Variants in SMYD5 observed in about 807,000 individuals in gnomAD.
SMYD5 encodes the protein SMYD family member 5.
SMYD5 carries 35 observed loss-of-function variants against 57.4 expected under a neutral mutation model. That is an observed-to-expected ratio of 0.61 (90% CI 0.47 to 0.81). SMYD5 has a LOEUF of 0.81. Among genes scored for constraint, SMYD5 ranks in the 30% least tolerant of loss-of-function variants. The pLI, the probability that SMYD5 is intolerant of heterozygous loss-of-function variation, is 0.00. For missense variants in SMYD5, 471 were observed against 527.9 expected, an observed-to-expected ratio of 0.89 and a Z score of 1.06; for synonymous variants, 198 against 189.7, an observed-to-expected ratio of 1.04 and a Z score of -0.36.
At chr2:73,214,755 G>C (rs1031678090) in intron 1 of SMYD5, 3 of 1,321,092 alleles carry the variant, frequency 2.3e-6, no homozygotes, top group Non-Finnish European at 3.0e-6. Flanking sequence ...TTTGGGTGAG[G>C]GGATGAGGAG....
At position 73,225,988 on chromosome 2, in the gene SMYD5, G is replaced by T; in HGVS notation, c.*42G>T. 4.5e-6 allele frequency: 7 copies of T among 1,561,274 alleles called. No individual in the cohort carries two copies. Among genetic ancestry groups the T allele is most frequent in the Non-Finnish European group, 6.1e-6 (7 of 1,154,938 alleles). On this transcript the variant is annotated 3_prime_UTR_variant, in exon 13 of 13. Transcript: ENST00000389501. ...AAGGGCCCTGCCCTAGACCCTGCCA[G>T]AAAAGGGGGCTCTTCCCCCAGAGAA...
intron 10 of SMYD5, among the ~76,000 whole-genome samples, chr2:73,224,488 A>G (rs962257069): frequency 6.6e-6 from 1 of 151,694 alleles, no homozygotes; most frequent in Non-Finnish European, 1.5e-5. Context: ...GGGCCACTCT[A>G]CCCTCCCAAA....
intron 1 of SMYD5, among the ~76,000 whole-genome samples, chr2:73,215,345 A>G (rs578231622): frequency 6.6e-6 from 1 of 151,190 alleles, no homozygotes; most frequent in Admixed American, 6.6e-5. Context: ...GGCTGTGTGT[A>G]TGGTTGGTTC....
rs1686365826 is a variant in SMYD5, at chr2:73,220,547, C to T, written c.346-114C>T. ...ATCCCCAGAGCACCCTATGTTTTCTCTTCTCATGATACATCTGAGCTACAG... is the reference window on the plus strand; with the variant it reads ...ATCCCCAGAGCACCCTATGTTTTCTTTTCTCATGATACATCTGAGCTACAG... On this transcript the variant is annotated intron_variant, in intron 3 of 12. Coordinates refer to ENST00000389501, the MANE Select transcript of SMYD5 (RefSeq NM_006062.3). 6 of 1,277,946 alleles carry T rather than the reference C, an allele frequency of 4.7e-6. No individual in the cohort carries two copies. The Middle Eastern group carries it at 9.3e-4, about 199-fold the overall frequency. The allele number at this position is 1,277,946 out of a possible 1,614,324, so 79.2% of individuals were successfully genotyped here. A position where few individuals can be genotyped will look rare whatever the true frequency, so the allele number is the denominator to read the frequency against.
chr2:73,223,468 G>T lies in SMYD5; in HGVS notation c.819G>T (p.Leu273Phe). 6.2e-7 allele frequency: 1 copy of T among 1,614,150 alleles called. No homozygotes were observed. Among genetic ancestry groups the T allele is most frequent in the Non-Finnish European group, 8.5e-7 (1 of 1,179,998 alleles). Residue 273 changes from leucine (L) to phenylalanine (F), a missense_variant, in exon 9 of 13, where the codon TTG (leucine) becomes TTT (phenylalanine). Coordinates refer to ENST00000389501, the MANE Select transcript of SMYD5 (RefSeq NM_006062.3). ...TCCATGCCTGTGACACTCTGGAGTTGAAGCCTCAGGACCGTGAGCAGCTTG... is the reference window on the plus strand; with the variant it reads ...TCCATGCCTGTGACACTCTGGAGTTTAAGCCTCAGGACCGTGAGCAGCTTG... ...QWVHACDTLE[L>F]KPQDREQLDA...
At chr2:73,223,875 C>T (rs1008155486) in intron 9 of SMYD5, 72 bp from the exon 10 acceptor site, 4 of 1,397,316 alleles carry the variant, frequency 2.9e-6, no homozygotes, top group South Asian at 1.2e-5. Context: ...AGTGCCTGTC[C>T]GTGTAAGCCT....
rs1438043012 is a variant in SMYD5, at chr2:73,222,771, T to G, written c.659T>G (p.Leu220Arg). The change falls in exon 7 of 13, where the codon CTG becomes CGG. Residue 220 changes from leucine to arginine, a missense_variant. Coordinates refer to ENST00000389501, the MANE Select transcript of SMYD5 (RefSeq NM_006062.3). ...GDKFKGQLEL[L>R]RRLFTEALYE... Reference sequence around the variant, plus strand: ...CTAATCCAGGGCCAACTGGAACTTCTGCGGAGACTCTTCACAGAGGCCCTC... The same window carrying G: ...CTAATCCAGGGCCAACTGGAACTTCGGCGGAGACTCTTCACAGAGGCCCTC... The G allele has an allele frequency of 1.2e-6, 2 of 1,612,996 alleles. No individual in the cohort carries two copies. The highest frequency in any genetic ancestry group is 2.7e-5 in the African/African-American group (2 of 74,914).
chr2:73,220,526 C>T, intron 3 of SMYD5, 135 bp from the exon 4 acceptor site: 1 of 1,067,468 alleles, frequency 9.4e-7, no homozygotes, highest in South Asian at 1.5e-5. Context: ...TCACATATCC[C>T]CAGAGCACCC....
At chr2:73,215,867 G>A (rs753439709) in intron 1 of SMYD5, among the ~76,000 whole-genome samples, 6 of 152,056 alleles carry the variant, frequency 3.9e-5, no homozygotes, top group Admixed American at 6.5e-5. Context: ...AAATGAGATT[G>A]GTTTGTGATT....
intron 7 of SMYD5, 45 bp downstream of exon 7, chr2:73,222,862 G>T (rs1357204612): frequency 6.3e-7 from 1 of 1,587,344 alleles, no homozygotes; most frequent in South Asian, 1.1e-5. Context: ...TGTTACTCCA[G>T]CTCTCCAGGA....
intron 1 of SMYD5, among the ~76,000 whole-genome samples, chr2:73,218,339 A>C (rs1263899493): frequency 1.3e-5 from 2 of 152,224 alleles, no homozygotes; most frequent in Non-Finnish European, 2.9e-5. Flanking sequence ...GATGCCAGGC[A>C]CTGTGCTAGG....
intron 1 of SMYD5, among the ~76,000 whole-genome samples, chr2:73,216,864 C>T (rs192918170): frequency 6.6e-5 from 10 of 152,192 alleles, no homozygotes; most frequent in African/African-American, 1.9e-4. Context: ...CCACCATACC[C>T]GGCCTGCACG....
intron 6 of SMYD5, among the ~76,000 whole-genome samples, chr2:73,222,300 A>T (rs376933992): frequency 6.6e-6 from 1 of 152,340 alleles, no homozygotes; most frequent in East Asian, 1.9e-4. Context: ...CCCGTTCCCA[A>T]TCAAAGAGTA....
At chr2:73,220,239 C>T (rs1038025288) in intron 3 of SMYD5, 49 bp downstream of exon 3, 1 of 1,604,300 alleles carries the variant, frequency 6.2e-7, no homozygotes. Flanking sequence ...TGAGGGAGGC[C>T]TTAGCTGGAG....
chr2:73,222,338 C>T (rs1428853980), intron 6 of SMYD5, among the ~76,000 whole-genome samples: 1 of 152,188 alleles, frequency 6.6e-6, no homozygotes, highest in African/African-American at 2.4e-5. Flanking sequence ...CAGCAGACTT[C>T]CCTGCAGGAG....
Position 73,224,859 on chromosome 2 carries a change from G to A in SMYD5, c.941-7G>A, listed in dbSNP as rs1686468267. On this transcript the variant is annotated splice_polypyrimidine_tract_variant and splice_region_variant and intron_variant, in intron 10 of 12. Coordinates refer to ENST00000389501, the MANE Select transcript of SMYD5 (RefSeq NM_006062.3). ...ATAATCCTCATTACCTGCCTCTTATGATCCAGGCAACCACAGTTGTGTGCC... is the reference window on the plus strand; with the variant it reads ...ATAATCCTCATTACCTGCCTCTTATAATCCAGGCAACCACAGTTGTGTGCC... 6.2e-7 allele frequency: 1 copy of A among 1,606,874 alleles called. No homozygotes were observed. Among genetic ancestry groups the A allele is most frequent in the Non-Finnish European group, 8.5e-7 (1 of 1,175,090 alleles).
intron 1 of SMYD5, among the ~76,000 whole-genome samples, chr2:73,216,083 T>G (rs1311933652): frequency 6.6e-6 from 1 of 152,200 alleles, no homozygotes; most frequent in Non-Finnish European, 1.5e-5. Context: ...TTATTGCTTC[T>G]GTGGATAGGA....
rs74567063 is a variant in SMYD5, at chr2:73,226,232, A to C, written c.*286A>C. The C allele has an allele frequency of 4.1e-3, 1,862 of 457,050 alleles. 24 individuals are homozygous for C. Among genetic ancestry groups the C allele is most frequent in the African/African-American group, 0.034 (1,733 of 51,564 alleles). The allele number at this position is 457,050 out of a possible 1,614,324, so 28.3% of individuals were successfully genotyped here. On this transcript the variant is annotated 3_prime_UTR_variant, in exon 13 of 13. Transcript: ENST00000389501. ...TCCACTCTAGGGTTTGAGGGGCTGG[A>C]ATCAGGGCCAGGGCCTAACAGTGTT... is the stretch of plus-strand genomic sequence containing the variant.
chr2:73,216,562 T>G (rs1302055752), intron 1 of SMYD5, among the ~76,000 whole-genome samples: 1 of 152,084 alleles, frequency 6.6e-6, no homozygotes, highest in Non-Finnish European at 1.5e-5. Flanking sequence ...TCGGGCGTGG[T>G]GGTGCACACC....
Sources: allele counts gnomAD v4.1 joint callset (sites outside exome capture counted in the v4.1 genomes callset), GRCh38; gene constraint gnomAD v4.1.1; transcripts MANE v1.5; gene names NCBI Gene and HGNC (gene_info 2026-07-23, HGNC 2026-07-21).